ACAT1: variants seen among roughly 807,000 people sequenced by gnomAD.
ACAT1 encodes the protein acetyl-CoA acetyltransferase 1.
ACAT1 carries 28 observed loss-of-function variants against 47.3 expected under a neutral mutation model. The ratio of observed to expected loss-of-function variants is 0.59; its 90% CI spans 0.44 to 0.81. ACAT1 has a LOEUF of 0.81. Among genes scored for constraint, ACAT1 ranks in the 30% least tolerant of loss-of-function variants. The pLI is 0.00. For missense variants in ACAT1, 469 were observed against 524.3 expected, an observed-to-expected ratio of 0.89 and a Z score of 1.03; for synonymous variants, 181 against 173.6, an observed-to-expected ratio of 1.04 and a Z score of -0.34.
intron 10 of ACAT1, 110 bp downstream of exon 10, chr11:108,144,157 C>A: frequency 1.6e-6 from 2 of 1,270,962 alleles, no homozygotes; most frequent in African/African-American, 1.5e-5. Context: ...AGAGAGATAG[C>A]TTGGTTTCAA....
rs148177726 is a variant in ACAT1 at position 108,123,355 on chromosome 11, T to C, written c.72+1677T>C. 2.6e-5 allele frequency among the ~76,000 whole-genome samples: 4 copies of C among 152,374 alleles called. No homozygotes were observed. The East Asian group carries it at 7.7e-4, about 29-fold the overall frequency. ...ACTGAACTCTAGGAAGCAGTTGTAT[T>C]GGACACTTGAATTAAATGGTCATTT... On this transcript the variant is annotated intron_variant, in intron 1 of 11. Transcript: ENST00000265838.
intron 1 of ACAT1, among the ~76,000 whole-genome samples, chr11:108,124,625 G>C (rs530267982): frequency 2.6e-5 from 4 of 152,212 alleles, no homozygotes; most frequent in African/African-American, 9.6e-5. Flanking sequence ...TTCCCCCGCA[G>C]CCAGAGTGGT....
chr11:108,143,538 G>A (rs2077634490), intron 9 of ACAT1: 1 of 152,904 alleles, frequency 6.5e-6, no homozygotes, highest in Admixed American at 6.5e-5. Context: ...GGACTTAACA[G>A]ATGCTATTTT....
chr11:108,123,844 A>G (rs1431211318), intron 1 of ACAT1, among the ~76,000 whole-genome samples: 1 of 152,002 alleles, frequency 6.6e-6, no homozygotes. Context: ...CCTTTATCCT[A>G]TATTTGACAC....
At position 108,146,195 on chromosome 11, in the gene ACAT1, A is replaced by AT; in HGVS notation, c.1006-4dup. On this transcript the variant is annotated splice_region_variant and splice_polypyrimidine_tract_variant and intron_variant, in intron 10 of 11. Transcript: ENST00000265838. Reference sequence around the variant, plus strand: ...TTGAACATCATCTGTCTTTTAAAAAATTTAAGGTTCTTAAAGATGTGGGAT... The same window carrying AT: ...TTGAACATCATCTGTCTTTTAAAAAATTTTAAGGTTCTTAAAGATGTGGGAT... The AT allele has an allele frequency of 2.5e-6, 4 of 1,604,808 alleles. No homozygotes were observed. The East Asian group carries it at 6.7e-5, about 27-fold the overall frequency.
chr11:108,122,572 G>T (rs1251270388), intron 1 of ACAT1, among the ~76,000 whole-genome samples: 1 of 152,224 alleles, frequency 6.6e-6, no homozygotes, highest in Non-Finnish European at 1.5e-5. Flanking sequence ...ACGTCTGGGC[G>T]TAGAATAACA....
At chr11:108,122,633 G>C (rs1166473083) in intron 1 of ACAT1, among the ~76,000 whole-genome samples, 1 of 152,250 alleles carries the variant, frequency 6.6e-6, no homozygotes, top group African/African-American at 2.4e-5. Context: ...GATTGTAAAA[G>C]AACCAGTCTA....
At chr11:108,127,641 G>T (rs1398766304) in intron 1 of ACAT1, among the ~76,000 whole-genome samples, 1 of 152,182 alleles carries the variant, frequency 6.6e-6, no homozygotes, top group Non-Finnish European at 1.5e-5. Context: ...AAGAGGCCTG[G>T]AACAAAGCCC....
chr11:108,135,053 A>C (rs1427990084), intron 4 of ACAT1, 89 bp from the exon 5 acceptor site: 9 of 851,024 alleles, frequency 1.1e-5, no homozygotes, highest in Non-Finnish European at 1.4e-5. Context: ...TGGCAGAAGA[A>C]ATGTTGTAGT....
chr11:108,130,781 C>T (rs1328848102), intron 1 of ACAT1, among the ~76,000 whole-genome samples: 1 of 147,466 alleles, frequency 6.8e-6, no homozygotes. Context: ...TGGAGTTTCA[C>T]TCTTGTCTCC....
intron 1 of ACAT1, among the ~76,000 whole-genome samples, chr11:108,123,501 T>C (rs1358991587): frequency 1.3e-5 from 2 of 152,172 alleles, no homozygotes; most frequent in Admixed American, 6.5e-5. Context: ...AACAAATCTT[T>C]ATGGACTTTA....
Position 108,136,236 on chromosome 11 carries a change from C to A in ACAT1, c.435+994C>A, listed in dbSNP as rs1169470315. ...GCCACAGAGTTACAGGGCTGAGCAT[C>A]TGCCATGTGACAGTCATTGGAAATA... On this transcript the variant is annotated intron_variant, in intron 5 of 11. Coordinates refer to ENST00000265838, the MANE Select transcript of ACAT1 (RefSeq NM_000019.4). 1.6e-5 allele frequency: 7 copies of A among 437,544 alleles called. No homozygotes were observed. In the East Asian group the frequency reaches 2.4e-4, roughly 15 times the overall value. 27.1% of individuals were successfully genotyped at this position (437,544 alleles called of 1,614,324 possible).
intron 2 of ACAT1, 118 bp from the exon 3 acceptor site, chr11:108,133,696 TATTGAG>T: frequency 1.3e-6 from 1 of 784,740 alleles, no homozygotes; most frequent in South Asian, 1.5e-5. Context: ...GCTGTTCAAC[TATTGAG>T]ATTAATTTTT....
At chr11:108,129,429 C>T (rs1309773045) in intron 1 of ACAT1, among the ~76,000 whole-genome samples, 3 of 151,948 alleles carry the variant, frequency 2.0e-5, no homozygotes, top group African/African-American at 4.8e-5. Context: ...AATGCAGTGG[C>T]GTGATCTCGG....
intron 2 of ACAT1, among the ~76,000 whole-genome samples, chr11:108,132,345 T>A (rs2077377468): frequency 6.6e-6 from 1 of 152,218 alleles, no homozygotes; most frequent in South Asian, 2.1e-4. Flanking sequence ...TAGGACCTTC[T>A]GAAGAGTCTC....
At chr11:108,124,796 G>A (rs1320725691) in intron 1 of ACAT1, among the ~76,000 whole-genome samples, 3 of 152,118 alleles carry the variant, frequency 2.0e-5, no homozygotes, top group African/African-American at 4.8e-5. Context: ...TAGTATGTGT[G>A]CCAATTTTGT....
At chr11:108,141,101 G>A (rs774004974) in intron 7 of ACAT1, among the ~76,000 whole-genome samples, 15 of 151,998 alleles carry the variant, frequency 9.9e-5, no homozygotes, top group Admixed American at 3.3e-4. Context: ...AGCAGCACAC[G>A]CCTGTAGTCC....
chr11:108,120,047 C>T (rs895734709), upstream of ACAT1, among the ~76,000 whole-genome samples: 10 of 151,986 alleles, frequency 6.6e-5, no homozygotes, highest in Non-Finnish European at 1.3e-4. Flanking sequence ...GGTGAAAACC[C>T]GTCTCTACTA....
In ACAT1 at chr11:108,135,073, C is replaced by T. The variant is rs1035461302; in HGVS notation, c.335-69C>T. The T allele has an allele frequency of 4.0e-6, 4 of 1,000,122 alleles. No homozygotes were observed. In the African/African-American group the frequency reaches 6.4e-5, roughly 16 times the overall value. 62.0% of individuals were successfully genotyped at this position (1,000,122 alleles called of 1,614,324 possible). On this transcript the variant is annotated intron_variant, in intron 4 of 11. Coordinates refer to ENST00000265838, the MANE Select transcript of ACAT1 (RefSeq NM_000019.4). ...GAAGAAATGTTGTAGTTTATAGTAA[C>T]ATGCTCTATTAAGTTCTGCAGTTGT...
Sources: gnomAD v4.1 joint callset for allele counts (sites outside exome capture counted in the v4.1 genomes callset) on GRCh38, gnomAD v4.1.1 for gene constraint, MANE v1.5 for transcripts, NCBI Gene and HGNC (gene_info 2026-07-23, HGNC 2026-07-21) for gene names.